The following PITX3 variants were observed in gnomAD, a reference collection of about 807,000 sequenced individuals.
PITX3 encodes the protein paired like homeodomain 3.
PITX3 carries 4 observed loss-of-function variants against 14.2 expected under a neutral mutation model. That is an observed-to-expected ratio of 0.28 (90% CI 0.14 to 0.65). The LOEUF (loss-of-function observed/expected upper bound fraction) is 0.65, where lower values mean the gene tolerates loss of function less well. Among genes scored for constraint, PITX3 ranks in the 30% least tolerant of loss-of-function variants. The pLI, the probability that PITX3 is intolerant of heterozygous loss-of-function variation, is 0.82. For missense variants in PITX3, 358 were observed against 426.8 expected (o/e 0.84, Z 1.42); for synonymous variants, 194 against 204.5 (o/e 0.95, Z 0.44).
chr10:102,231,887 G>GCTGCCCAGCCGGGGTCCCACCCGCA, intron 2 of PITX3, 76 bp downstream of exon 2: 1 of 1,562,650 alleles, frequency 6.4e-7, no homozygotes, highest in Non-Finnish European at 8.7e-7. Context: ...TCCCACCGGG[G>GCTGCCCAGCCGGGGTCCCACCCGCA]CTGCCCAGCC....
intron 3 of PITX3, 141 bp downstream of exon 3, chr10:102,231,447 C>A: frequency 1.6e-6 from 1 of 627,142 alleles, no homozygotes; most frequent in Non-Finnish European, 2.7e-6. Context: ...CAAGAGACCG[C>A]GTGGGGCTGC....
chr10:102,231,292 C>G (rs1021276676), intron 3 of PITX3, among the ~76,000 whole-genome samples, 191 bp from the exon 4 acceptor site: 2 of 152,124 alleles, frequency 1.3e-5, no homozygotes, highest in African/African-American at 2.4e-5. Context: ...GCGGCTGGAC[C>G]GAGTCATCGG....
chr10:102,239,814 G>T (rs918634239), intron 1 of PITX3, among the ~76,000 whole-genome samples: 2 of 152,218 alleles, frequency 1.3e-5, no homozygotes, highest in Admixed American at 1.3e-4. Flanking sequence ...GGTCAGGGTG[G>T]ATGGTCACTG....
chr10:102,233,742 G>A (rs2070315423), intron 1 of PITX3, among the ~76,000 whole-genome samples: 1 of 152,202 alleles, frequency 6.6e-6, no homozygotes. Flanking sequence ...ACCAGTGACT[G>A]CTCCACTCAT....
Position 102,232,071 on chromosome 10 carries a change from C to G in PITX3, c.10G>C (p.Gly4Arg). Residue 4 changes from glycine to arginine, a missense_variant, in exon 2 of 4, where the codon GGC becomes CGC. This residue lies in a region of PITX3 where 72 missense variants were observed against 79.9 expected (regional missense o/e 0.90). Coordinates refer to ENST00000370002, the MANE Select transcript of PITX3 (RefSeq NM_005029.4). MEFGLLSEAEARSP... is the reference protein window; with the variant it reads MEFRLLSEAEARSP... ...CGGGCCTCTGCCTCGCTGAGCAGGC[C>G]GAACTCCATGGAGGGAGGGCTCTGG... 6.3e-7 allele frequency: 1 copy of G among 1,597,206 alleles called. No homozygotes were observed. The highest frequency in any genetic ancestry group is 1.7e-5 in the Admixed American group (1 of 58,630).
At chr10:102,237,165 G>C (rs763604669) in intron 1 of PITX3, among the ~76,000 whole-genome samples, 1 of 152,170 alleles carries the variant, frequency 6.6e-6, no homozygotes, top group Admixed American at 6.5e-5. Context: ...GTAGGAGTCT[G>C]CAGTGTAGGG....
intron 1 of PITX3, among the ~76,000 whole-genome samples, chr10:102,237,204 G>A (rs1256325589): frequency 2.0e-5 from 3 of 152,130 alleles, no homozygotes; most frequent in Non-Finnish European, 4.4e-5. Flanking sequence ...ATGGAAAGAT[G>A]GACCGCATGG....
Position 102,231,666 on chromosome 10 carries a change from G to A in PITX3, c.243C>T (p.Phe81=), listed in dbSNP as rs1280679125. 6.2e-7 allele frequency: 1 copy of A among 1,612,490 alleles called. No homozygotes were observed. Among genetic ancestry groups the A allele is most frequent in the Non-Finnish European group, 8.5e-7 (1 of 1,179,444 alleles). The change falls in exon 3 of 4, where the codon TTC becomes TTT. Residue 81 remains phenylalanine (F), a synonymous_variant. Coordinates refer to ENST00000370002, the MANE Select transcript of PITX3 (RefSeq NM_005029.4). ...TCATGTCGGGGTAGCGGTTCCTCTG[G>A]AAGGTCGCCTCTAGCTCCTGTAGCT... ...SQQLQELEAT[F]QRNRYPDMST...
At chr10:102,238,267 A>C (rs970110775) in intron 1 of PITX3, among the ~76,000 whole-genome samples, 4 of 152,168 alleles carry the variant, frequency 2.6e-5, no homozygotes, top group African/African-American at 9.7e-5. Flanking sequence ...AGGAGGCATC[A>C]TTTAGTGTGA....
At chr10:102,235,575 A>G (rs1255915959) in intron 1 of PITX3, among the ~76,000 whole-genome samples, 1 of 152,216 alleles carries the variant, frequency 6.6e-6, no homozygotes, top group Non-Finnish European at 1.5e-5. Context: ...GTTTAGATAA[A>G]AACATAAACA....
intron 1 of PITX3, among the ~76,000 whole-genome samples, chr10:102,240,171 T>C (rs1205299948): frequency 1.3e-5 from 2 of 152,236 alleles, no homozygotes; most frequent in Admixed American, 1.3e-4. Context: ...TGGTTAATTG[T>C]ATTGGAATTA....
chr10:102,235,464 G>C (rs906744214), intron 1 of PITX3, among the ~76,000 whole-genome samples: 8 of 152,144 alleles, frequency 5.3e-5, no homozygotes, highest in Admixed American at 2.0e-4. Flanking sequence ...CTTACTAGCT[G>C]TGTGTCCTCG....
chr10:102,237,352 T>C (rs185546060), intron 1 of PITX3, among the ~76,000 whole-genome samples: 2 of 152,222 alleles, frequency 1.3e-5, no homozygotes, highest in Admixed American at 1.3e-4. Flanking sequence ...GCATTCTAAA[T>C]AATCAGCAGT....
At chr10:102,238,186 T>G (rs895874985) in intron 1 of PITX3, among the ~76,000 whole-genome samples, 1 of 152,064 alleles carries the variant, frequency 6.6e-6, no homozygotes, top group Non-Finnish European at 1.5e-5. Flanking sequence ...TTTTCATGAG[T>G]CCCTGGCAGT....
At chr10:102,238,256 T>C (rs1279711868) in intron 1 of PITX3, among the ~76,000 whole-genome samples, 1 of 152,174 alleles carries the variant, frequency 6.6e-6, no homozygotes, top group Admixed American at 6.5e-5. Context: ...CAGGTTAGTC[T>C]AGGAGGCATC....
At chr10:102,233,466 G>A (rs971764336) in intron 1 of PITX3, among the ~76,000 whole-genome samples, 1 of 151,828 alleles carries the variant, frequency 6.6e-6, no homozygotes, top group African/African-American at 2.4e-5. Flanking sequence ...CCCACGCCTG[G>A]CTAATTTTTG....
chr10:102,239,885 G>C (rs944590859), intron 1 of PITX3, among the ~76,000 whole-genome samples: 1 of 152,200 alleles, frequency 6.6e-6, no homozygotes, highest in Admixed American at 6.5e-5. Context: ...CCGGCTGTTA[G>C]GTAGGGCCAA....
intron 2 of PITX3, 77 bp from the exon 3 acceptor site, chr10:102,231,867 A>G (rs1485874890): frequency 6.4e-6 from 10 of 1,570,290 alleles, no homozygotes; most frequent in South Asian, 1.1e-5. Flanking sequence ...CTCCTAAGCC[A>G]CTCGCTGGCT....
In PITX3 at chr10:102,231,024, G is replaced by T; in HGVS notation, c.399C>A (p.Phe133Leu). 17 of 1,600,312 alleles carry T rather than the reference G, an allele frequency of 1.1e-5. No individual in the cohort carries two copies. The highest frequency in any genetic ancestry group is 1.4e-5 in the Non-Finnish European group (16 of 1,175,024). Reference protein sequence around the residue: ...SQQAELCKGSFAAPLGGLVPP... With the variant: ...SQQAELCKGSLAAPLGGLVPP... ...GCACCAGCCCCCCGAGCGGCGCCGC[G>T]AAGCTGCCTTTGCATAGCTCGGCCT... Residue 133 changes from phenylalanine (F) to leucine (L), a missense_variant, in exon 4 of 4, where the codon TTC (phenylalanine) becomes TTA (leucine). By Grantham distance (22) the Phe-to-Leu change is conservative. Coordinates refer to ENST00000370002, the MANE Select transcript of PITX3 (RefSeq NM_005029.4).
Sources: gnomAD v4.1 joint callset for allele counts (sites outside exome capture counted in the v4.1 genomes callset) on GRCh38, gnomAD v4.1.1 for gene constraint, gnomAD v4.1.1 regional missense constraint, MANE v1.5 for transcripts, NCBI Gene and HGNC (gene_info 2026-07-23, HGNC 2026-07-21) for gene names.